The following KCNN2 variants were observed in gnomAD, a reference collection of about 807,000 sequenced individuals.
KCNN2 encodes the protein potassium calcium-activated channel subfamily N member 2.
Under a neutral mutation model 55.5 loss-of-function variants are expected in KCNN2, and 24 were observed. That is an observed-to-expected ratio of 0.43 (90% CI 0.31 to 0.61). The LOEUF is 0.61. Ranked by LOEUF, KCNN2 falls within the 20% of genes least tolerant of loss-of-function variation. The pLI is 0.08. For missense variants in KCNN2, 754 were observed against 853.6 expected, an observed-to-expected ratio of 0.88 and a Z score of 1.45; for synonymous variants, 431 against 336.1, an observed-to-expected ratio of 1.28 and a Z score of -3.09.
intron 2 of KCNN2, among the ~76,000 whole-genome samples, chr5:114,270,116 C>A (rs1478624470): frequency 6.6e-6 from 1 of 152,142 alleles, no homozygotes; most frequent in Non-Finnish European, 1.5e-5. Flanking sequence ...GCCTACTTTT[C>A]ATTTCTATTG....
chr5:114,356,075 C>G (rs1471204607), intron 2 of KCNN2, among the ~76,000 whole-genome samples: 1 of 152,094 alleles, frequency 6.6e-6, no homozygotes. Context: ...TGAGAGGCGA[C>G]TATATTCTTC....
intron 2 of KCNN2, among the ~76,000 whole-genome samples, chr5:114,276,486 GA>G (rs1755490414): frequency 6.6e-6 from 1 of 152,194 alleles, no homozygotes; most frequent in Non-Finnish European, 1.5e-5. Flanking sequence ...AGGTCTCTAA[GA>G]ATTTGCTTTA....
chr5:114,284,466 C>T (rs1465670387), intron 2 of KCNN2, among the ~76,000 whole-genome samples: 2 of 152,136 alleles, frequency 1.3e-5, no homozygotes, highest in African/African-American at 4.8e-5. Context: ...ATTGGCTACT[C>T]ACATAACAAA....
chr5:114,353,781 T>C (rs1438449707), intron 2 of KCNN2, among the ~76,000 whole-genome samples: 1 of 152,128 alleles, frequency 6.6e-6, no homozygotes, highest in South Asian at 2.1e-4. Context: ...TTCTGGTCAC[T>C]ATTGTTTAGT....
intron 1 of KCNN2, among the ~76,000 whole-genome samples, chr5:114,112,817 G>C (rs1183564313): frequency 6.6e-6 from 1 of 152,088 alleles, no homozygotes; most frequent in African/African-American, 2.4e-5. Context: ...TTATGCACAT[G>C]AGAGTGAGGG....
At chr5:114,395,601 T>A (rs1019090032) in intron 2 of KCNN2, among the ~76,000 whole-genome samples, 1 of 152,236 alleles carries the variant, frequency 6.6e-6, no homozygotes, top group African/African-American at 2.4e-5. Context: ...TGGACTGTAA[T>A]GAGAATAGTT....
intron 1 of KCNN2, among the ~76,000 whole-genome samples, chr5:114,165,549 G>T (rs910251948): frequency 6.6e-6 from 1 of 152,050 alleles, no homozygotes; most frequent in African/African-American, 2.4e-5. Flanking sequence ...TATTGATTAG[G>T]TTGATTGTGA....
At chr5:114,491,860 G>T (rs1188009740) in intron 6 of KCNN2, among the ~76,000 whole-genome samples, 2 of 151,972 alleles carry the variant, frequency 1.3e-5, no homozygotes, top group African/African-American at 4.8e-5. Flanking sequence ...CTTTTTAGGG[G>T]GTGTAGGGTG....
intron 1 of KCNN2, among the ~76,000 whole-genome samples, chr5:114,205,775 T>G (rs774931267): frequency 6.6e-6 from 1 of 152,214 alleles, no homozygotes; most frequent in Non-Finnish European, 1.5e-5. Context: ...TCTCAGTATT[T>G]TACTGACTTA....
At chr5:114,328,602 T>C (rs1450962726) in intron 2 of KCNN2, among the ~76,000 whole-genome samples, 1 of 152,098 alleles carries the variant, frequency 6.6e-6, no homozygotes, top group African/African-American at 2.4e-5. Context: ...TGACGGTTGT[T>C]TATAGGTATG....
At chr5:114,071,674 T>C (rs758739686) in intron 1 of KCNN2, among the ~76,000 whole-genome samples, 1 of 152,230 alleles carries the variant, frequency 6.6e-6, no homozygotes, top group African/African-American at 2.4e-5. Flanking sequence ...AATGTATACA[T>C]GGTACTGGAT....
chr5:114,384,689 A>G (rs1399400729), intron 2 of KCNN2, among the ~76,000 whole-genome samples: 2 of 152,202 alleles, frequency 1.3e-5, no homozygotes, highest in African/African-American at 4.8e-5. Flanking sequence ...GCATACGACC[A>G]GTAGGTTTTT....
intron 2 of KCNN2, among the ~76,000 whole-genome samples, chr5:114,243,298 C>T (rs1754681511): frequency 6.6e-6 from 1 of 152,158 alleles, no homozygotes; most frequent in Non-Finnish European, 1.5e-5. Flanking sequence ...GTAGTCTCCC[C>T]TTTTCCTCAG....
intron 1 of KCNN2, among the ~76,000 whole-genome samples, chr5:114,063,944 C>T (rs1473810449): frequency 1.3e-5 from 2 of 152,208 alleles, no homozygotes; most frequent in Non-Finnish European, 2.9e-5. Flanking sequence ...CCACATGTAA[C>T]AGAGGCAATG....
intron 2 of KCNN2, among the ~76,000 whole-genome samples, chr5:114,268,725 GTTC>G (rs1345910273): frequency 6.6e-6 from 1 of 152,202 alleles, no homozygotes; most frequent in East Asian, 1.9e-4. Flanking sequence ...ATTTGATCTA[GTTC>G]TTATGAGATG....
chr5:114,334,466 T>C (rs892910507), intron 2 of KCNN2, among the ~76,000 whole-genome samples: 3 of 152,014 alleles, frequency 2.0e-5, no homozygotes, highest in Non-Finnish European at 4.4e-5. Flanking sequence ...AAAGTGTATA[T>C]ATAGATATAT....
At chr5:114,244,302 G>A (rs111949218) in intron 2 of KCNN2, among the ~76,000 whole-genome samples, 1 of 147,354 alleles carries the variant, frequency 6.8e-6, no homozygotes, top group East Asian at 2.0e-4. Flanking sequence ...GAATTTTTTT[G>A]CTTGTTTATT....
chr5:114,355,481 C>T (rs1299496147), intron 2 of KCNN2, among the ~76,000 whole-genome samples: 1 of 152,174 alleles, frequency 6.6e-6, no homozygotes, highest in Non-Finnish European at 1.5e-5. Context: ...TAAGCTTTCA[C>T]CTCAGTATTT....
In KCNN2 at chr5:114,362,080, A is replaced by G. The variant is rs1006227181; in HGVS notation, c.-60A>G. On this transcript the variant is annotated 5_prime_UTR_variant, in exon 1 of 8. Coordinates refer to ENST00000673685, the MANE Select transcript of KCNN2 (RefSeq NM_021614.4). Reference sequence around the variant, plus strand: ...GCAGCAGGAGTCCCCGCTCCCGACCATAACGCATTGCGCAGGGTGCACCAC... The same window carrying G: ...GCAGCAGGAGTCCCCGCTCCCGACCGTAACGCATTGCGCAGGGTGCACCAC... 6.5e-6 allele frequency: 1 copy of G among 153,348 alleles called. No homozygotes were observed. Among genetic ancestry groups the G allele is most frequent in the Non-Finnish European group, 1.5e-5 (1 of 68,518 alleles). 9.5% of individuals were successfully genotyped at this position (153,348 alleles called of 1,614,324 possible).
Sources: allele counts gnomAD v4.1 joint callset (sites outside exome capture counted in the v4.1 genomes callset), GRCh38; gene constraint gnomAD v4.1.1; transcripts MANE v1.5; gene names NCBI Gene and HGNC (gene_info 2026-07-23, HGNC 2026-07-21).